Variants in PFKFB2 observed in about 807,000 individuals in gnomAD.
PFKFB2 encodes the protein 6-phosphofructo-2-kinase/fructose-2,6-biphosphatase 2, also known as 6-phosphofructo-2-kinase/fructose-2,6-bisphosphatase 2.
A neutral mutation model predicts 68.0 loss-of-function variants in PFKFB2; 53 were observed. The observed-to-expected ratio is 0.78, with a 90% CI of 0.63 to 0.98. The LOEUF is 0.98. PFKFB2 is among the 50% of genes least tolerant of loss of function. PFKFB2 has a pLI of 0.00. For synonymous variants in PFKFB2, 222 were observed against 227.6 expected (o/e 0.98, Z 0.22); for missense variants, 451 against 642.0 (o/e 0.70, Z 3.22).
At chr1:207,035,043 T>A (rs1266684710) in intron 1 of PFKFB2, 4 of 559,246 alleles carry the variant, frequency 7.2e-6, no homozygotes, top group African/African-American at 6.1e-5. Context: ...CCTGAAAGAA[T>A]AAGACTTCCT....
At chr1:207,079,045 C>G, downstream of PFKFB2, 1 of 1,577,788 alleles carries the variant, frequency 6.3e-7, no homozygotes, top group Non-Finnish European at 8.7e-7. Context: ...GGCCTCACCT[C>G]TCCAAACGAC....
chr1:207,060,176 T>C (rs1683045692), intron 2 of PFKFB2, among the ~76,000 whole-genome samples: 1 of 152,198 alleles, frequency 6.6e-6, no homozygotes, highest in African/African-American at 2.4e-5. Context: ...ATGAGGAACC[T>C]CTTTTTATGG....
intron 7 of PFKFB2, 97 bp from the exon 8 acceptor site, chr1:207,064,939 A>G (rs1243619691): frequency 1.4e-6 from 2 of 1,387,894 alleles, no homozygotes; most frequent in Admixed American, 2.1e-5. Flanking sequence ...GGCGACATTT[A>G]TGGACTTCTT....
chr1:207,059,632 G>T (rs1290012207), intron 2 of PFKFB2, among the ~76,000 whole-genome samples: 1 of 152,098 alleles, frequency 6.6e-6, no homozygotes, highest in African/African-American at 2.4e-5. Context: ...TTTTCCATGT[G>T]TGCAGTGGGT....
upstream of PFKFB2, among the ~76,000 whole-genome samples, chr1:207,050,089 T>G (rs1046492593): frequency 6.6e-6 from 1 of 152,186 alleles, no homozygotes; most frequent in Non-Finnish European, 1.5e-5. Flanking sequence ...CTCCGGAAAC[T>G]TATCTACTCT....
intron 10 of PFKFB2, among the ~76,000 whole-genome samples, chr1:207,068,985 T>C (rs1177813815): frequency 6.6e-6 from 1 of 152,204 alleles, no homozygotes; most frequent in African/African-American, 2.4e-5. Flanking sequence ...GACCTTGTGA[T>C]CCACCCGCCT....
intron 2 of PFKFB2, among the ~76,000 whole-genome samples, chr1:207,057,026 C>T (rs1252147122): frequency 6.6e-6 from 1 of 152,078 alleles, no homozygotes; most frequent in Non-Finnish European, 1.5e-5. Flanking sequence ...TGAAGAATGA[C>T]TTTAGGGAGC....
chr1:207,071,417 G>A, intron 13 of PFKFB2, 92 bp from the exon 14 acceptor site: 1 of 1,129,426 alleles, frequency 8.9e-7, no homozygotes, highest in South Asian at 1.2e-5. Context: ...ATTGCAGAAT[G>A]CGTACATTCC....
chr1:207,046,678 T>C (rs1682606343), intron 2 of PFKFB2: 1 of 152,122 alleles, frequency 6.6e-6, no homozygotes, highest in Non-Finnish European at 1.5e-5. Context: ...GAATAAATAC[T>C]TGACACTTAA....
At chr1:207,071,693 G>A (rs1401807405) in intron 14 of PFKFB2, 120 bp downstream of exon 14, 6 of 728,914 alleles carry the variant, frequency 8.2e-6, no homozygotes, top group East Asian at 2.6e-5. Flanking sequence ...CAGAACTTAC[G>A]TCCAAATGTA....
chr1:207,060,463 G>A (rs1683052753), intron 2 of PFKFB2, among the ~76,000 whole-genome samples: 1 of 152,226 alleles, frequency 6.6e-6, no homozygotes, highest in Admixed American at 6.5e-5. Flanking sequence ...CTACCCTGAA[G>A]CTTCCTGAGG....
At position 207,074,558 on chromosome 1, in the gene PFKFB2, T is replaced by A. The variant is rs969625569; in HGVS notation, c.*2187T>A. Reference sequence around the variant, plus strand: ...CTTTACTCGTATGTCCCAAGTAGGATACCATAGGCAGCTTCTAAAGGCTGC... The same window carrying A: ...CTTTACTCGTATGTCCCAAGTAGGAAACCATAGGCAGCTTCTAAAGGCTGC... On this transcript the variant is annotated 3_prime_UTR_variant, in exon 15 of 15. Coordinates refer to ENST00000367080, the MANE Select transcript of PFKFB2 (RefSeq NM_006212.2). 3.0e-6 allele frequency: 3 copies of A among 985,282 alleles called. No individual in the cohort carries two copies. The African/African-American group carries it at 5.2e-5, about 17-fold the overall frequency. The allele number at this position is 985,282 out of a possible 1,614,324, so 61.0% of individuals were successfully genotyped here.
chr1:207,063,703 T>G lies in PFKFB2; in HGVS notation c.451-70T>G. The G allele has an allele frequency of 7.8e-7, 1 of 1,288,740 alleles. No individual in the cohort carries two copies. Among genetic ancestry groups the G allele is most frequent in the Non-Finnish European group, 1.1e-6 (1 of 883,012 alleles). 79.8% of individuals were successfully genotyped at this position (1,288,740 alleles called of 1,614,324 possible). A position where few individuals can be genotyped will look rare whatever the true frequency, so the allele number is the denominator to read the frequency against. ...AGATGTGGTGGCTGGGTGGGGTAGA[T>G]GAGCATGTGCTCTTAATTAACAGCC... On this transcript the variant is annotated intron_variant, in intron 6 of 14. Transcript: ENST00000367080. The surrounding 1 kb of genome is among the most constrained non-coding windows in gnomAD (Gnocchi z 4.1).
chr1:207,077,644 C>G lies in PFKFB2; in HGVS notation c.*5273C>G. 3.0e-6 allele frequency: 3 copies of G among 985,682 alleles called. No individual in the cohort carries two copies. The highest frequency in any genetic ancestry group is 3.6e-6 in the Non-Finnish European group (3 of 829,812). 61.1% of individuals were successfully genotyped at this position (985,682 alleles called of 1,614,324 possible). A position where few individuals can be genotyped will look rare whatever the true frequency, so the allele number is the denominator to read the frequency against. The stretch of plus-strand genomic sequence containing the variant: ...TCTACTGTAGATTTCCTAGGCACTG[C>G]TCTGTTGAAATAGGAACATAAGTCT... On this transcript the variant is annotated 3_prime_UTR_variant, in exon 15 of 15. Coordinates refer to ENST00000367080, the MANE Select transcript of PFKFB2 (RefSeq NM_006212.2).
intron 2 of PFKFB2, among the ~76,000 whole-genome samples, chr1:207,042,549 C>CAAAAAA (rs57077682): frequency 0.031 from 1,386 of 44,694 alleles, 295 homozygotes; most frequent in Non-Finnish European, 0.035. Context: ...CTCTGTCTCA[C>CAAAAAA]AAAAAAAAAA....
In PFKFB2 at chr1:207,076,252, CTTTTTT is replaced by C; in HGVS notation, c.*3892_*3897del. 1.1e-6 allele frequency: 1 copy of C among 870,248 alleles called. No individual in the cohort carries two copies. Among genetic ancestry groups the C allele is most frequent in the African/African-American group, 2.1e-5 (1 of 48,702 alleles). 53.9% of individuals were successfully genotyped at this position (870,248 alleles called of 1,614,324 possible). A position where few individuals can be genotyped will look rare whatever the true frequency, so the allele number is the denominator to read the frequency against. On this transcript the variant is annotated 3_prime_UTR_variant, in exon 15 of 15. Coordinates refer to ENST00000367080, the MANE Select transcript of PFKFB2 (RefSeq NM_006212.2). The stretch of plus-strand genomic sequence containing the variant: ...AATTCATCTATGTTACTTTTTTTTT[CTTTTTT>C]TTTTTTTTTTATGAGCAGGAGATCT...
At chr1:207,050,541 T>C (rs926676646), upstream of PFKFB2, 10 of 1,024,676 alleles carry the variant, frequency 9.8e-6, no homozygotes, top group Non-Finnish European at 1.4e-5. Context: ...CCCGTCAGCA[T>C]TCTCTGTTCT....
rs1031096297 is a variant in PFKFB2, at chr1:207,074,157, C to T, written c.*1786C>T. On this transcript the variant is annotated 3_prime_UTR_variant, in exon 15 of 15. Transcript: ENST00000367080. ...TCCCGGATGATTCTGATTCATAGCTCGGGTTAAGAACTCCACCTTAGGAAG... is the reference window on the plus strand; with the variant it reads ...TCCCGGATGATTCTGATTCATAGCTTGGGTTAAGAACTCCACCTTAGGAAG... The T allele has an allele frequency of 3.2e-5, 31 of 981,896 alleles. No homozygotes were observed. The highest frequency in any genetic ancestry group is 3.6e-5 in the Non-Finnish European group (30 of 826,868). The allele number at this position is 981,896 out of a possible 1,614,324, so 60.8% of individuals were successfully genotyped here.
Position 207,073,385 on chromosome 1 carries a change from T to C in PFKFB2, c.*1014T>C, listed in dbSNP as rs1683525689. On this transcript the variant is annotated 3_prime_UTR_variant, in exon 15 of 15. Coordinates refer to ENST00000367080, the MANE Select transcript of PFKFB2 (RefSeq NM_006212.2). ...TGCCAAAGCCAGTATCCTCTGGGGC[T>C]GTTTAGAAGGGCAGTTAGATTCAGG... The C allele has an allele frequency of 1.0e-6, 1 of 985,318 alleles. No homozygotes were observed. Among genetic ancestry groups the C allele is most frequent in the Admixed American group, 6.1e-5 (1 of 16,272 alleles). 61.0% of individuals were successfully genotyped at this position (985,318 alleles called of 1,614,324 possible). A position where few individuals can be genotyped will look rare whatever the true frequency, so the allele number is the denominator to read the frequency against.
Sources: gnomAD v4.1 joint callset for allele counts (sites outside exome capture counted in the v4.1 genomes callset) on GRCh38, gnomAD v4.1.1 for gene constraint, Gnocchi (gnomAD v3.1) non-coding constraint, MANE v1.5 for transcripts, NCBI Gene and HGNC (gene_info 2026-07-23, HGNC 2026-07-21) for gene names.